Variants in CSMD1 observed in about 807,000 individuals in gnomAD.
The protein encoded by CSMD1 is CUB and sushi domain-containing protein 1.
In CSMD1, 213 loss-of-function variants were observed where a neutral mutation model predicts 417.5. The ratio of observed to expected loss-of-function variants is 0.51; its 90% confidence interval spans 0.46 to 0.57. The LOEUF (loss-of-function observed/expected upper bound fraction) is 0.57. Among genes scored for constraint, CSMD1 ranks in the 20% least tolerant of loss-of-function variants. The pLI is 0.00. For missense variants in CSMD1, 6,923 were observed against 4,529.7 expected, an observed-to-expected ratio of 1.53 and a Z score of -15.17; for synonymous variants, 2,862 against 1,736.8, an observed-to-expected ratio of 1.65 and a Z score of -16.11.
chr8:4,065,358 G>C (rs995331624), intron 3 of CSMD1, among the ~76,000 whole-genome samples: 2 of 152,130 alleles, frequency 1.3e-5, no homozygotes, highest in Non-Finnish European at 2.9e-5. Context: ...CCAAAGTCAT[G>C]GATAGTTAGT....
intron 4 of CSMD1, among the ~76,000 whole-genome samples, chr8:4,016,133 A>T (rs1796511909): frequency 6.6e-6 from 1 of 152,136 alleles, no homozygotes; most frequent in South Asian, 2.1e-4. Context: ...GTTCATATAA[A>T]ACATTTTAGA....
intron 10 of CSMD1, among the ~76,000 whole-genome samples, chr8:3,554,875 C>T (rs1799075323): frequency 6.6e-6 from 1 of 152,106 alleles, no homozygotes; most frequent in South Asian, 2.1e-4. Context: ...GAGCCCCCTG[C>T]AGTGGTGAGA....
intron 18 of CSMD1, among the ~76,000 whole-genome samples, chr8:3,383,944 T>C (rs918451242): frequency 5.3e-5 from 8 of 152,092 alleles, no homozygotes; most frequent in Non-Finnish European, 1.2e-4. Flanking sequence ...CCCACAGACT[T>C]AAGGTTGCAG....
At chr8:3,291,740 G>C (rs993297162) in intron 25 of CSMD1, among the ~76,000 whole-genome samples, 3 of 152,064 alleles carry the variant, frequency 2.0e-5, no homozygotes, top group African/African-American at 4.8e-5. Flanking sequence ...TGTCTTGCTA[G>C]TGGTTTATCA....
rs778981187 is a variant in CSMD1, at chr8:3,915,405, C to CAAAAAAAAAA, written c.818+82488_818+82497dup. Among the ~76,000 whole-genome samples the CAAAAAAAAAA allele has an allele frequency of 2.6e-5, 2 of 76,292 alleles. 1 individual carries two copies. The highest frequency in any genetic ancestry group is 9.2e-5 in the African/African-American group (2 of 21,798). The allele number at this position is 76,292 out of a possible 152,430, so 50.1% of individuals were successfully genotyped here. A position where few individuals can be genotyped will look rare whatever the true frequency, so the allele number is the denominator to read the frequency against. On this transcript the variant is annotated intron_variant, in intron 5 of 69. Coordinates refer to ENST00000635120, the MANE Select transcript of CSMD1 (RefSeq NM_033225.6). The stretch of plus-strand genomic sequence containing the variant: ...TAGGCGTCACAGTAAGACTCTGTCT[C>CAAAAAAAAAA]AAAAAAAAAAAAAAAAAAAAAAAGA...
chr8:4,318,456 G>A (rs897472680), intron 3 of CSMD1, among the ~76,000 whole-genome samples: 1 of 151,950 alleles, frequency 6.6e-6, no homozygotes, highest in Non-Finnish European at 1.5e-5. Flanking sequence ...TGAGTTAAAA[G>A]GTCATTAGCA....
chr8:3,942,463 C>G (rs1414759738), intron 5 of CSMD1, among the ~76,000 whole-genome samples: 2 of 152,144 alleles, frequency 1.3e-5, no homozygotes, highest in Non-Finnish European at 2.9e-5. Context: ...GCCCATTTGA[C>G]TATTTCTACA....
At chr8:3,252,545 A>C (rs890433666) in intron 26 of CSMD1, among the ~76,000 whole-genome samples, 5 of 152,154 alleles carry the variant, frequency 3.3e-5, no homozygotes, top group Non-Finnish European at 5.9e-5. Flanking sequence ...TGTGTCTGCC[A>C]GGCTTTGGTA....
At chr8:3,412,744 C>T (rs555932461) in intron 12 of CSMD1, among the ~76,000 whole-genome samples, 12 of 152,190 alleles carry the variant, frequency 7.9e-5, no homozygotes, top group African/African-American at 2.7e-4. Context: ...ATAGAGAACA[C>T]CTTTGCTTAA....
At chr8:4,224,467 G>C (rs1446939680) in intron 3 of CSMD1, among the ~76,000 whole-genome samples, 1 of 152,088 alleles carries the variant, frequency 6.6e-6, no homozygotes. Flanking sequence ...TTGGGGAATA[G>C]TTGCTCTGAC....
chr8:3,072,515 T>C (rs958543666), intron 49 of CSMD1, among the ~76,000 whole-genome samples: 54 of 152,194 alleles, frequency 3.5e-4, no homozygotes, highest in African/African-American at 1.3e-3. Context: ...GCTTGTCATG[T>C]CATGGTCAAA....
At chr8:3,696,679 G>A (rs531651062) in intron 7 of CSMD1, among the ~76,000 whole-genome samples, 1 of 152,236 alleles carries the variant, frequency 6.6e-6, no homozygotes, top group Non-Finnish European at 1.5e-5. Context: ...TTGCAGATAA[G>A]ACAACAGTCA....
At chr8:4,906,212 G>T (rs1418270696) in intron 1 of CSMD1, among the ~76,000 whole-genome samples, 1 of 152,298 alleles carries the variant, frequency 6.6e-6, no homozygotes, top group African/African-American at 2.4e-5. Flanking sequence ...ACTAGCAGAA[G>T]AAACTATTTG....
intron 7 of CSMD1, among the ~76,000 whole-genome samples, chr8:3,652,686 G>A (rs923359882): frequency 3.3e-5 from 5 of 152,132 alleles, no homozygotes; most frequent in African/African-American, 1.2e-4. Context: ...CAGTATGGGG[G>A]AAACTGCCCA....
intron 37 of CSMD1, among the ~76,000 whole-genome samples, chr8:3,178,948 CTTTTT>C (rs11347913): frequency 7.4e-6 from 1 of 135,122 alleles, no homozygotes. Context: ...ATCTATATTT[CTTTTT>C]TTTTTTTTTT....
intron 10 of CSMD1, among the ~76,000 whole-genome samples, chr8:3,505,604 G>A (rs779408361): frequency 3.9e-5 from 6 of 152,140 alleles, no homozygotes; most frequent in Admixed American, 3.9e-4. Flanking sequence ...CACAAACCCA[G>A]AAGAACAAGC....
intron 3 of CSMD1, among the ~76,000 whole-genome samples, chr8:4,066,129 G>C (rs981041182): frequency 6.6e-6 from 1 of 151,850 alleles, no homozygotes; most frequent in Non-Finnish European, 1.5e-5. Context: ...CTTTGTTCAA[G>C]CTCTTTTCTC....
chr8:4,069,166 T>C (rs1030754091), intron 3 of CSMD1, among the ~76,000 whole-genome samples: 7 of 152,204 alleles, frequency 4.6e-5, no homozygotes, highest in Non-Finnish European at 1.0e-4. Flanking sequence ...AAATATATAC[T>C]ATGATGGGTA....
chr8:3,968,903 A>C (rs1046906877), intron 5 of CSMD1, among the ~76,000 whole-genome samples: 1 of 152,182 alleles, frequency 6.6e-6, no homozygotes, highest in African/African-American at 2.4e-5. Flanking sequence ...ATTCAGATGT[A>C]ATGATTTATC....
Sources: allele counts gnomAD v4.1 joint callset (sites outside exome capture counted in the v4.1 genomes callset), GRCh38; gene constraint gnomAD v4.1.1; transcripts MANE v1.5; gene names NCBI Gene and HGNC (gene_info 2026-07-23, HGNC 2026-07-21).